Variants in EFCAB13 observed in about 807,000 individuals in gnomAD.
EFCAB13 encodes the protein EF-hand calcium binding domain 13, also known as EF-hand calcium-binding domain-containing protein 13.
In EFCAB13, 91 loss-of-function variants were observed where a neutral mutation model predicts 110.2. That is an observed-to-expected ratio of 0.83 (90% confidence interval 0.70 to 0.98). The LOEUF (loss-of-function observed/expected upper bound fraction) is 0.98, where lower values mean the gene tolerates loss of function less well. Among genes scored for constraint, EFCAB13 ranks in the 50% least tolerant of loss-of-function variants. The probability of loss-of-function intolerance (pLI) is 0.00; values close to 1 mark genes in which losing one functional copy is unlikely to be tolerated. For missense variants in EFCAB13, 968 were observed against 1,119.4 expected (o/e 0.86, Z 1.93); for synonymous variants, 323 against 369.9 (o/e 0.87, Z 1.45).
chr17:47,404,120 C>A, intron 19 of EFCAB13, 99 bp downstream of exon 19: 1 of 935,410 alleles, frequency 1.1e-6, no homozygotes, highest in Non-Finnish European at 1.5e-6. Context: ...TAAATGTAAT[C>A]TTTGAAACGG....
chr17:47,426,567 G>C (rs1292515467), intron 23 of EFCAB13, among the ~76,000 whole-genome samples: 2 of 152,094 alleles, frequency 1.3e-5, no homozygotes, highest in African/African-American at 4.8e-5. Context: ...TTTTCATTTA[G>C]TTTGTTAGCA....
At chr17:47,437,648 G>T (rs1366457551) in intron 24 of EFCAB13, among the ~76,000 whole-genome samples, 1 of 152,046 alleles carries the variant, frequency 6.6e-6, no homozygotes, top group African/African-American at 2.4e-5. Context: ...GTTTATTTGA[G>T]TCCTTATGTG....
intron 18 of EFCAB13, among the ~76,000 whole-genome samples, chr17:47,403,317 C>T (rs1434103259): frequency 6.6e-6 from 1 of 152,052 alleles, no homozygotes; most frequent in African/African-American, 2.4e-5. Flanking sequence ...ATAGTATTAT[C>T]CCATTTTAGA....
chr17:47,337,798 T>A (rs1479204866), intron 5 of EFCAB13, among the ~76,000 whole-genome samples: 1 of 152,170 alleles, frequency 6.6e-6, no homozygotes, highest in African/African-American at 2.4e-5. Flanking sequence ...TCTTACTGGC[T>A]TACAGAAATA....
At chr17:47,372,123 CA>C (rs1238860933) in intron 11 of EFCAB13, among the ~76,000 whole-genome samples, 5 of 152,062 alleles carry the variant, frequency 3.3e-5, no homozygotes, top group Non-Finnish European at 7.4e-5. Flanking sequence ...TTACTACTGC[CA>C]TTTTGTTAAT....
At chr17:47,336,158 ACT>A (rs1231193959) in intron 5 of EFCAB13, among the ~76,000 whole-genome samples, 1 of 149,704 alleles carries the variant, frequency 6.7e-6, no homozygotes, top group Admixed American at 6.7e-5. Context: ...ATGGAGCCTC[ACT>A]CTGTCACCCA....
chr17:47,379,377 G>A, intron 14 of EFCAB13, 124 bp downstream of exon 14: 1 of 659,272 alleles, frequency 1.5e-6, no homozygotes, highest in South Asian at 2.1e-5. Context: ...TCTTAGGCAA[G>A]TCAGTTGCCA....
chr17:47,427,788 C>G (rs897052008), intron 23 of EFCAB13, among the ~76,000 whole-genome samples: 2 of 152,060 alleles, frequency 1.3e-5, no homozygotes, highest in African/African-American at 4.8e-5. Flanking sequence ...CTCCCTTCCC[C>G]TTTCTTCTGG....
At chr17:47,370,644 A>T (rs1056605934) in intron 11 of EFCAB13, 136 bp downstream of exon 11, 20 of 548,326 alleles carry the variant, frequency 3.6e-5, no homozygotes, top group African/African-American at 2.9e-4. Context: ...AATCAAGGAG[A>T]TAAAATATAA....
chr17:47,434,344 A>G (rs1242664157), intron 24 of EFCAB13, among the ~76,000 whole-genome samples: 2 of 152,124 alleles, frequency 1.3e-5, no homozygotes, highest in African/African-American at 4.8e-5. Context: ...ACTTAGGAAT[A>G]TACTGAACCA....
chr17:47,364,054 C>T (rs1861842299), intron 10 of EFCAB13, among the ~76,000 whole-genome samples: 1 of 152,154 alleles, frequency 6.6e-6, no homozygotes, highest in Admixed American at 6.5e-5. Flanking sequence ...CCTGGGTCTC[C>T]AGGTCTCCTG....
At chr17:47,342,613 CT>C (rs2065392216) in intron 6 of EFCAB13, among the ~76,000 whole-genome samples, 1 of 151,980 alleles carries the variant, frequency 6.6e-6, no homozygotes, top group African/African-American at 2.4e-5. Flanking sequence ...CTTTTTTCCC[CT>C]CTGTCTTAGT....
Position 47,402,208 on chromosome 17 carries a change from G to A in EFCAB13, c.2017+5G>A. The A allele has an allele frequency of 6.2e-7, 1 of 1,611,316 alleles. No individual in the cohort carries two copies. ...GTGATGCTGCCAGGTTAGAAGGTAAGTACTGAATTATTTATAACGGTTAGA... is the reference window on the plus strand; with the variant it reads ...GTGATGCTGCCAGGTTAGAAGGTAAATACTGAATTATTTATAACGGTTAGA... On this transcript the variant is annotated splice_donor_5th_base_variant and intron_variant, in intron 18 of 24. Transcript: ENST00000331493.
chr17:47,411,351 AC>A (rs1304860749), intron 21 of EFCAB13, among the ~76,000 whole-genome samples: 1 of 152,156 alleles, frequency 6.6e-6, no homozygotes, highest in Non-Finnish European at 1.5e-5. Flanking sequence ...TCCCTGACAG[AC>A]AAACTGACAT....
intron 10 of EFCAB13, among the ~76,000 whole-genome samples, chr17:47,368,107 A>G (rs1489674645): frequency 2.6e-5 from 4 of 152,240 alleles, no homozygotes; most frequent in Non-Finnish European, 5.9e-5. Flanking sequence ...GAATCTACAA[A>G]GGAGTTCTTC....
intron 17 of EFCAB13, among the ~76,000 whole-genome samples, chr17:47,397,580 C>T (rs1331151639): frequency 3.3e-5 from 5 of 151,348 alleles, no homozygotes; most frequent in South Asian, 2.1e-4. Flanking sequence ...CGCCTCTTCC[C>T]GGCCGCCATC....
At chr17:47,355,995 C>T (rs2065478790) in intron 9 of EFCAB13, among the ~76,000 whole-genome samples, 1 of 152,090 alleles carries the variant, frequency 6.6e-6, no homozygotes, top group Non-Finnish European at 1.5e-5. Flanking sequence ...ATTACTGAGA[C>T]TTTCCAGCAC....
intron 10 of EFCAB13, 69 bp from the exon 11 acceptor site, chr17:47,370,368 A>G (rs56380058): frequency 0.021 from 22,437 of 1,068,316 alleles, 306 homozygotes; most frequent in Non-Finnish European, 0.027. Context: ...TTGTTTTCAT[A>G]TTAGAATAGG....
intron 14 of EFCAB13, among the ~76,000 whole-genome samples, chr17:47,384,964 G>A (rs1274327543): frequency 6.6e-6 from 1 of 152,020 alleles, no homozygotes; most frequent in African/African-American, 2.4e-5. Context: ...GTAGAGATGG[G>A]GTTTCACCGT....
Sources: gnomAD v4.1 joint callset for allele counts (sites outside exome capture counted in the v4.1 genomes callset) on GRCh38, gnomAD v4.1.1 for gene constraint, MANE v1.5 for transcripts, NCBI Gene and HGNC (gene_info 2026-07-23, HGNC 2026-07-21) for gene names.